The following RHOJ variants were observed in gnomAD, a reference collection of about 807,000 sequenced individuals.
The protein encoded by RHOJ is ras homolog family member J.
In RHOJ, 11 loss-of-function variants were observed where a neutral mutation model predicts 23.4. That is an observed-to-expected ratio of 0.47 (90% CI 0.30 to 0.78). RHOJ has a LOEUF of 0.78. Ranked by LOEUF, RHOJ falls within the 30% of genes least tolerant of loss-of-function variation. The probability of loss-of-function intolerance (pLI) is 0.08; values close to 1 mark genes in which losing one functional copy is unlikely to be tolerated. For synonymous variants in RHOJ, 102 were observed against 102.7 expected (o/e 0.99, Z 0.04); for missense variants, 254 against 273.4 (o/e 0.93, Z 0.50).
At chr14:63,210,159 A>C (rs1279356590) in intron 1 of RHOJ, among the ~76,000 whole-genome samples, 1 of 151,586 alleles carries the variant, frequency 6.6e-6, no homozygotes, top group African/African-American at 2.4e-5. Flanking sequence ...ACGGGGTTTC[A>C]CCATGTTGGC....
chr14:63,226,476 T>G (rs1161489994), intron 1 of RHOJ, among the ~76,000 whole-genome samples: 4 of 151,338 alleles, frequency 2.6e-5, no homozygotes, highest in South Asian at 2.1e-4. Flanking sequence ...AATAGAGATA[T>G]GAAAAGTAAG....
intron 1 of RHOJ, among the ~76,000 whole-genome samples, chr14:63,222,348 G>T (rs946775442): frequency 6.6e-6 from 1 of 152,158 alleles, no homozygotes; most frequent in African/African-American, 2.4e-5. Flanking sequence ...CCAGTAATGG[G>T]ATGGCTGGGT....
intron 1 of RHOJ, among the ~76,000 whole-genome samples, chr14:63,226,255 A>T (rs1894592262): frequency 6.6e-6 from 1 of 152,112 alleles, no homozygotes; most frequent in Non-Finnish European, 1.5e-5. Flanking sequence ...TGAGAAAAAC[A>T]TAATGAAACA....
chr14:63,258,205 G>A (rs1895211839), intron 1 of RHOJ, among the ~76,000 whole-genome samples: 1 of 138,534 alleles, frequency 7.2e-6, no homozygotes, highest in African/African-American at 2.8e-5. Flanking sequence ...TCCAGCCTGG[G>A]CAACAAGAGT....
chr14:63,212,915 A>C (rs1207698163), intron 1 of RHOJ, among the ~76,000 whole-genome samples: 1 of 152,224 alleles, frequency 6.6e-6, no homozygotes, highest in Non-Finnish European at 1.5e-5. Flanking sequence ...TTTCACAAAC[A>C]ATAGTTTTAC....
chr14:63,258,363 G>A (rs984466101), intron 1 of RHOJ, among the ~76,000 whole-genome samples: 16 of 151,684 alleles, frequency 1.1e-4, no homozygotes, highest in South Asian at 2.1e-4. Flanking sequence ...CATACTTTAC[G>A]CAGCTGAGCA....
intron 4 of RHOJ, among the ~76,000 whole-genome samples, chr14:63,285,145 G>T (rs1319052587): frequency 1.3e-5 from 2 of 152,140 alleles, no homozygotes; most frequent in Admixed American, 1.3e-4. Flanking sequence ...AATGTGCTAG[G>T]CTTGGTGCCA....
At chr14:63,212,965 A>G (rs1480001113) in intron 1 of RHOJ, among the ~76,000 whole-genome samples, 7 of 152,150 alleles carry the variant, frequency 4.6e-5, no homozygotes, top group Non-Finnish European at 2.9e-5. Context: ...CATCTTTCCA[A>G]CCTGCTCTGT....
At chr14:63,269,615 A>G (rs1895430307) in intron 2 of RHOJ, among the ~76,000 whole-genome samples, 1 of 152,078 alleles carries the variant, frequency 6.6e-6, no homozygotes, top group African/African-American at 2.4e-5. Flanking sequence ...GGGTGAGGGG[A>G]GGAGAGAGGG....
chr14:63,271,201 C>T (rs1399309242), intron 2 of RHOJ, among the ~76,000 whole-genome samples: 2 of 152,118 alleles, frequency 1.3e-5, no homozygotes, highest in African/African-American at 4.8e-5. Flanking sequence ...GCTTTATATT[C>T]AGAGGTAGAC....
rs552149265 is a variant in RHOJ at position 63,269,172 on chromosome 14, C to T, written c.237+4C>T. On this transcript the variant is annotated splice_donor_region_variant and intron_variant, in intron 2 of 4. Transcript: ENST00000316754. ...ACTGTATGACACCGCGGGACAGGTA[C>T]ATTTTTATTATCTTGATTCATTGGA... is the stretch of plus-strand genomic sequence containing the variant. 5.0e-6 allele frequency: 8 copies of T among 1,608,576 alleles called. No homozygotes were observed. The highest frequency in any genetic ancestry group is 6.8e-6 in the Non-Finnish European group (8 of 1,175,276).
chr14:63,233,053 A>T (rs1955681), intron 1 of RHOJ, among the ~76,000 whole-genome samples: 32,683 of 152,026 alleles, frequency 0.21, 4,115 homozygotes, highest in East Asian at 0.39. Context: ...AAAGTTGAGG[A>T]GAGTAGCCAA....
intron 4 of RHOJ, among the ~76,000 whole-genome samples, chr14:63,288,608 T>C (rs1194096795): frequency 6.6e-6 from 1 of 152,234 alleles, no homozygotes; most frequent in African/African-American, 2.4e-5. Context: ...TTCTCTGCGC[T>C]TTATTCCTCT....
Position 63,217,714 on chromosome 14 carries a change from T to A in RHOJ, c.178+12667T>A, listed in dbSNP as rs555895255. 1.2e-4 allele frequency among the ~76,000 whole-genome samples: 19 copies of A among 152,262 alleles called. No homozygotes were observed. The East Asian group carries it at 3.7e-3, about 29-fold the overall frequency. On this transcript the variant is annotated intron_variant, in intron 1 of 4. Coordinates refer to ENST00000316754, the MANE Select transcript of RHOJ (RefSeq NM_020663.5). ...TGGGATCTAATTAAACTAAAGAGCT[T>A]CTGCACAGCAAAAGAAACTACCATC...
At chr14:63,244,603 C>A (rs191802056) in intron 1 of RHOJ, among the ~76,000 whole-genome samples, 8 of 152,196 alleles carry the variant, frequency 5.3e-5, no homozygotes, top group African/African-American at 1.9e-4. Context: ...GGGTAACGTT[C>A]TGTTGAAAAT....
intron 1 of RHOJ, among the ~76,000 whole-genome samples, chr14:63,241,879 T>C (rs541503748): frequency 6.6e-5 from 10 of 152,362 alleles, no homozygotes; most frequent in African/African-American, 2.4e-4. Flanking sequence ...TAAAAGTTCA[T>C]TGGTGAAATC....
chr14:63,269,575 C>G (rs1895429352), intron 2 of RHOJ, among the ~76,000 whole-genome samples: 1 of 151,938 alleles, frequency 6.6e-6, no homozygotes, highest in Non-Finnish European at 1.5e-5. Context: ...GCCTAATGAA[C>G]TGTGAAAAGG....
At chr14:63,273,507 G>T (rs1284770942) in intron 2 of RHOJ, among the ~76,000 whole-genome samples, 1 of 152,214 alleles carries the variant, frequency 6.6e-6, no homozygotes, top group Non-Finnish European at 1.5e-5. Context: ...GCAGGGTGTT[G>T]GTTGGGTTGG....
chr14:63,280,367 T>C (rs1881859364), intron 2 of RHOJ, among the ~76,000 whole-genome samples: 2 of 152,158 alleles, frequency 1.3e-5, no homozygotes, highest in African/African-American at 4.8e-5. Flanking sequence ...AGAACTATTG[T>C]TACCAGAGGC....
Sources: allele counts gnomAD v4.1 joint callset (sites outside exome capture counted in the v4.1 genomes callset), GRCh38; gene constraint gnomAD v4.1.1; transcripts MANE v1.5; gene names NCBI Gene and HGNC (gene_info 2026-07-23, HGNC 2026-07-21).